Variants in LOC400499 observed in about 807,000 individuals in gnomAD.
the LOC400499 span, among the ~76,000 whole-genome samples, chr16:11,403,692 G>T: frequency 6.6e-6 from 1 of 152,140 alleles, no homozygotes; most frequent in Non-Finnish European, 1.5e-5. Context: ...CTGTGCTCAG[G>T]AGGTTCCTTA....
chr16:11,488,648 C>G, the LOC400499 span: 1 of 398,044 alleles, frequency 2.5e-6, no homozygotes, highest in South Asian at 1.3e-4. Context: ...AGCTGGAGCT[C>G]CAGGGTCCCC....
At chr16:11,427,350 CAAAAAAAA>C in the LOC400499 span, among the ~76,000 whole-genome samples, 4 of 38,874 alleles carry the variant, frequency 1.0e-4, no homozygotes, top group African/African-American at 2.4e-4. Context: ...CTCCATCTCA[CAAAAAAAA>C]AAAAAAAAAA....
At chr16:11,489,536 C>CT in the LOC400499 span, among the ~76,000 whole-genome samples, 2 of 152,106 alleles carry the variant, frequency 1.3e-5, no homozygotes, top group Admixed American at 1.3e-4. Flanking sequence ...GAGCCCCCAA[C>CT]CCTCCCCCCA....
At chr16:11,411,106 G>A in the LOC400499 span, 6 of 396,900 alleles carry the variant, frequency 1.5e-5, no homozygotes, top group Middle Eastern at 6.3e-4. Context: ...AGGGGTTTCC[G>A]AGGGTTGCCC....
chr16:11,379,620 C>A, the LOC400499 span, among the ~76,000 whole-genome samples: 1 of 152,218 alleles, frequency 6.6e-6, no homozygotes, highest in Non-Finnish European at 1.5e-5. Context: ...CCAAGGACTG[C>A]GGTGACCAGT....
At chr16:11,387,293 T>C in the LOC400499 span, 1 of 1,232,178 alleles carries the variant, frequency 8.1e-7, no homozygotes, top group East Asian at 3.2e-5. Context: ...CACTGAGCGG[T>C]TCCTGCAGGG....
At chr16:11,392,580 C>T in the LOC400499 span, 1 of 404,920 alleles carries the variant, frequency 2.5e-6, no homozygotes. Flanking sequence ...TTCCGTAGCT[C>T]CCCACTGCCC....
chr16:11,399,054 T>C, the LOC400499 span, among the ~76,000 whole-genome samples: 1 of 151,816 alleles, frequency 6.6e-6, no homozygotes, highest in African/African-American at 2.4e-5. Context: ...TCTCCCCATT[T>C]CTCCATGGCC....
At chr16:11,463,157 C>A in the LOC400499 span, among the ~76,000 whole-genome samples, 1 of 152,216 alleles carries the variant, frequency 6.6e-6, no homozygotes, top group Admixed American at 6.5e-5. Context: ...GGACAGCTCA[C>A]TACACACTCC....
chr16:11,386,984 G>A, the LOC400499 span: 1 of 645,338 alleles, frequency 1.5e-6, no homozygotes, highest in Non-Finnish European at 2.2e-6. Flanking sequence ...AGTCCCATAG[G>A]ACCTTGGGAA....
the LOC400499 span, chr16:11,385,511 G>T: frequency 1.1e-6 from 1 of 891,270 alleles, no homozygotes. Context: ...GATGCCTAGA[G>T]CTTTGGCTTA....
At chr16:11,521,397 A>C in the LOC400499 span, among the ~76,000 whole-genome samples, 3 of 152,190 alleles carry the variant, frequency 2.0e-5, no homozygotes, top group Admixed American at 1.3e-4. Context: ...AGAAAATCTC[A>C]ATGAAAAGAA....
chr16:11,473,733 C>T, the LOC400499 span, among the ~76,000 whole-genome samples: 3 of 147,634 alleles, frequency 2.0e-5, no homozygotes, highest in Non-Finnish European at 4.4e-5. Flanking sequence ...CCAGCCTGGG[C>T]AACGAGAGTG....
chr16:11,383,064 CCAGGGTCTTT>C, the LOC400499 span, among the ~76,000 whole-genome samples: 2 of 144,630 alleles, frequency 1.4e-5, no homozygotes, highest in South Asian at 4.2e-4. Flanking sequence ...AGAGGAGGTG[CCAGGGTCTTT>C]TTTTTTTTTG....
the LOC400499 span, among the ~76,000 whole-genome samples, chr16:11,451,404 A>AC: frequency 1.2e-3 from 179 of 152,108 alleles, 4 homozygotes; most frequent in Admixed American, 1.7e-3. Flanking sequence ...ACAAAGCGAG[A>AC]CCCCATCTCT....
At chr16:11,443,412 G>C in the LOC400499 span, 13 of 412,024 alleles carry the variant, frequency 3.2e-5, no homozygotes, top group Admixed American at 2.6e-4. Flanking sequence ...GGTGAGCTGA[G>C]ATCAAGTCAT....
the LOC400499 span, among the ~76,000 whole-genome samples, chr16:11,413,203 A>G: frequency 5.9e-5 from 9 of 152,174 alleles, no homozygotes; most frequent in Admixed American, 5.2e-4. Flanking sequence ...GTCGACAGAG[A>G]ATGTGCTCCC....
the LOC400499 span, among the ~76,000 whole-genome samples, chr16:11,411,054 C>T: frequency 6.6e-6 from 1 of 152,202 alleles, no homozygotes; most frequent in Non-Finnish European, 1.5e-5. Flanking sequence ...CGGGGGCTGG[C>T]CCAGGAATGT....
the LOC400499 span, among the ~76,000 whole-genome samples, chr16:11,384,722 C>A: frequency 2.6e-5 from 4 of 152,226 alleles, no homozygotes; most frequent in African/African-American, 4.8e-5. Context: ...GGGTCAATGG[C>A]ATGAGGCTAG....
Sources: allele counts gnomAD v4.1 joint callset (sites outside exome capture counted in the v4.1 genomes callset), GRCh38; gene constraint gnomAD v4.1.1; transcripts MANE v1.5.